The following HECW1 variants were observed in gnomAD, a reference collection of about 807,000 sequenced individuals.
HECW1 encodes HECT, C2 and WW domain containing E3 ubiquitin protein ligase 1.
In HECW1, 61 loss-of-function variants were observed where a neutral mutation model predicts 182.3. The observed-to-expected ratio is 0.33, with a 90% CI of 0.27 to 0.41. The LOEUF is 0.41. Ranked by LOEUF, HECW1 falls within the 10% of genes least tolerant of loss-of-function variation. HECW1 has a pLI of 1.00. For missense variants in HECW1, 1,739 were observed against 2,108.9 expected (o/e 0.82, Z 3.44); for synonymous variants, 859 against 832.6 (o/e 1.03, Z -0.55).
intron 29 of HECW1, among the ~76,000 whole-genome samples, chr7:43,559,033 G>A (rs548506378): frequency 2.6e-4 from 40 of 152,342 alleles, no homozygotes; most frequent in African/African-American, 9.6e-4. Flanking sequence ...TGGCAGCAAA[G>A]AGGAGTGACT....
intron 6 of HECW1, 35 bp from the exon 7 acceptor site, chr7:43,396,779 G>GT: frequency 2.1e-6 from 3 of 1,423,816 alleles, no homozygotes; most frequent in Non-Finnish European, 3.0e-6. Flanking sequence ...TTCAGTGCTT[G>GT]TTTTGTTTGT....
At chr7:43,415,817 G>A (rs1265467477) in intron 8 of HECW1, among the ~76,000 whole-genome samples, 100 of 140,632 alleles carry the variant, frequency 7.1e-4, no homozygotes, top group Non-Finnish European at 1.3e-3. Context: ...CCAGTTGATC[G>A]CATCGGCTCC....
chr7:43,562,245 C>T lies in HECW1; in HGVS notation c.*319C>T. ...AAATATGAATGCAAGTTAAGCTACA[C>T]TTGACCAAATGGTAATAAATGTTTA... On this transcript the variant is annotated 3_prime_UTR_variant, in exon 30 of 30. Transcript: ENST00000395891. 2 of 272,210 alleles carry T rather than the reference C, an allele frequency of 7.3e-6. No individual in the cohort carries two copies. The highest frequency in any genetic ancestry group is 5.7e-5 in the East Asian group (1 of 17,496). The allele number at this position is 272,210 out of a possible 1,614,324, so 16.9% of individuals were successfully genotyped here. A position where few individuals can be genotyped will look rare whatever the true frequency, so the allele number is the denominator to read the frequency against.
At chr7:43,248,099 G>A (rs1460231646) in intron 3 of HECW1, among the ~76,000 whole-genome samples, 1 of 151,594 alleles carries the variant, frequency 6.6e-6, no homozygotes, top group African/African-American at 2.4e-5. Flanking sequence ...GAGAGGGAGG[G>A]AAGAGAAAGA....
intron 2 of HECW1, among the ~76,000 whole-genome samples, chr7:43,186,608 G>T (rs1392998579): frequency 2.7e-5 from 4 of 150,866 alleles, no homozygotes; most frequent in African/African-American, 9.8e-5. Context: ...GGCAGAGCTT[G>T]CAGTGAGCAG....
At chr7:43,375,198 G>A (rs992502910) in intron 6 of HECW1, among the ~76,000 whole-genome samples, 6 of 152,046 alleles carry the variant, frequency 3.9e-5, no homozygotes, top group South Asian at 2.1e-4. Flanking sequence ...ACAAACAGGA[G>A]AAACTGTCGG....
chr7:43,440,922 G>A (rs1285085331), intron 9 of HECW1, among the ~76,000 whole-genome samples: 3 of 152,162 alleles, frequency 2.0e-5, no homozygotes, highest in South Asian at 4.1e-4. Context: ...CATAATGCCA[G>A]TGTTTTCTAG....
rs779010532 is a variant in HECW1, at chr7:43,370,888, CTT to C, written c.555+9924_555+9925del. ...AGAGGATTTTTAGGGCAATGATATT[CTT>C]TTTTTTTTTTTTTTTGAAATGGAGT... On this transcript the variant is annotated intron_variant, in intron 6 of 29. Coordinates refer to ENST00000395891, the MANE Select transcript of HECW1 (RefSeq NM_015052.5). Among the ~76,000 whole-genome samples the C allele has an allele frequency of 2.6e-4, 35 of 135,302 alleles. 1 individual carries two copies. The highest frequency in any genetic ancestry group is 5.2e-4 in the Admixed American group (7 of 13,472). The allele number at this position is 135,302 out of a possible 152,430, so 88.8% of individuals were successfully genotyped here.
intron 5 of HECW1, among the ~76,000 whole-genome samples, chr7:43,352,086 C>A (rs972617304): frequency 1.3e-5 from 2 of 152,138 alleles, no homozygotes; most frequent in African/African-American, 4.8e-5. Context: ...AGAATCAACA[C>A]ACTTACCCCT....
chr7:43,560,123 G>A (rs2082161925), intron 29 of HECW1, among the ~76,000 whole-genome samples: 1 of 152,162 alleles, frequency 6.6e-6, no homozygotes, highest in Non-Finnish European at 1.5e-5. Flanking sequence ...AGTTCCAAAA[G>A]CATGCTTGGG....
At chr7:43,277,329 G>A (rs867922037) in intron 3 of HECW1, among the ~76,000 whole-genome samples, 64 of 152,178 alleles carry the variant, frequency 4.2e-4, no homozygotes, top group African/African-American at 1.5e-3. Flanking sequence ...ACAGGTGAAC[G>A]GCCCGCATGT....
chr7:43,508,066 G>C lies in HECW1; in HGVS notation c.3801G>C (p.Val1267=), dbSNP rs1018407347. The C allele has an allele frequency of 6.2e-7, 1 of 1,613,964 alleles. No individual in the cohort carries two copies. Among genetic ancestry groups the C allele is most frequent in the African/African-American group, 1.3e-5 (1 of 74,906 alleles). The change falls in exon 23 of 30, where the codon GTG becomes GTC. Residue 1267 remains valine, a synonymous_variant. Transcript: ENST00000395891. Reference sequence around the variant, plus strand: ...TGTTGGAGGGAACCTTCAATCAGGTGATGGCCTATTCGCGGAAAGAGCTCC... The same window carrying C: ...TGTTGGAGGGAACCTTCAATCAGGTCATGGCCTATTCGCGGAAAGAGCTCC... ...DHLLEGTFNQ[V]MAYSRKELQR... is the part of the protein sequence containing the mutation.
chr7:43,399,729 C>T (rs558749869), intron 7 of HECW1, among the ~76,000 whole-genome samples: 1 of 152,214 alleles, frequency 6.6e-6, no homozygotes, highest in African/African-American at 2.4e-5. Flanking sequence ...GGTTCATCTC[C>T]TGCAGTCCCC....
At chr7:43,123,250 T>C (rs1196054652) in intron 2 of HECW1, among the ~76,000 whole-genome samples, 1 of 152,246 alleles carries the variant, frequency 6.6e-6, no homozygotes, top group Non-Finnish European at 1.5e-5. Flanking sequence ...ACAATATTGC[T>C]TCCGGAGGAG....
intron 5 of HECW1, among the ~76,000 whole-genome samples, chr7:43,322,280 G>A (rs1037217207): frequency 6.6e-5 from 10 of 152,084 alleles, no homozygotes; most frequent in Admixed American, 2.0e-4. Flanking sequence ...GGCTGGTCTC[G>A]AACTCCTGAC....
At chr7:43,289,989 G>T (rs148502989) in intron 3 of HECW1, among the ~76,000 whole-genome samples, 2 of 152,200 alleles carry the variant, frequency 1.3e-5, no homozygotes, top group Non-Finnish European at 2.9e-5. Context: ...AGGATAAAGC[G>T]GGTTGTGGAG....
chr7:43,207,170 C>CAGT (rs1433136910), intron 2 of HECW1, among the ~76,000 whole-genome samples: 1 of 152,164 alleles, frequency 6.6e-6, no homozygotes, highest in Non-Finnish European at 1.5e-5. Context: ...CCTCAGCCTA[C>CAGT]AGACTAGCTG....
chr7:43,361,053 CGTGCGT>C, intron 6 of HECW1, 73 bp downstream of exon 6: 25 of 810,892 alleles, frequency 3.1e-5, no homozygotes, highest in Middle Eastern at 2.8e-4. Context: ...TGTTCTTGTG[CGTGCGT>C]GTGTGTGTGT....
At chr7:43,503,376 C>G (rs2079446871) in intron 21 of HECW1, among the ~76,000 whole-genome samples, 1 of 152,152 alleles carries the variant, frequency 6.6e-6, no homozygotes, top group South Asian at 2.1e-4. Context: ...TAGAGATTGT[C>G]CCAGCCTGAT....
Sources: allele counts gnomAD v4.1 joint callset (sites outside exome capture counted in the v4.1 genomes callset), GRCh38; gene constraint gnomAD v4.1.1; transcripts MANE v1.5; gene names NCBI Gene and HGNC (gene_info 2026-07-23, HGNC 2026-07-21).